Variants in SCHIP1 observed in about 807,000 individuals in gnomAD.
SCHIP1 encodes the protein schwannomin interacting protein 1.
A neutral mutation model predicts 29.7 loss-of-function variants in SCHIP1; 8 were observed. The observed-to-expected ratio is 0.27, with a 90% CI of 0.16 to 0.49. SCHIP1 has a LOEUF of 0.49. SCHIP1 is among the 20% of genes least tolerant of loss of function. SCHIP1 has a pLI of 0.99. For missense variants in SCHIP1, 193 were observed against 294.6 expected (o/e 0.66, Z 2.52); for synonymous variants, 76 against 94.9 (o/e 0.80, Z 1.16).
At chr3:159,535,585 T>G in the SCHIP1 span, among the ~76,000 whole-genome samples, 1 of 152,232 alleles carries the variant, frequency 6.6e-6, no homozygotes, top group South Asian at 2.1e-4. Flanking sequence ...CCAGGACTCC[T>G]CTAAGTTAGC....
At chr3:159,401,627 A>C in the SCHIP1 span, among the ~76,000 whole-genome samples, 5 of 152,204 alleles carry the variant, frequency 3.3e-5, no homozygotes, top group South Asian at 2.1e-4. Context: ...ATGTGACTCC[A>C]AGACTCATAC....
chr3:159,617,466 G>A, the SCHIP1 span, among the ~76,000 whole-genome samples: 2 of 152,060 alleles, frequency 1.3e-5, no homozygotes, highest in African/African-American at 4.8e-5. Context: ...TAAATAACCA[G>A]GAAAGATTGA....
At chr3:159,849,980 C>A (rs1466542487) in intron 1 of SCHIP1, among the ~76,000 whole-genome samples, 1 of 152,176 alleles carries the variant, frequency 6.6e-6, no homozygotes, top group Non-Finnish European at 1.5e-5. Flanking sequence ...GATGACAAAT[C>A]CCTGTCCCCT....
At chr3:159,712,232 A>C in the SCHIP1 span, among the ~76,000 whole-genome samples, 3 of 152,198 alleles carry the variant, frequency 2.0e-5, no homozygotes, top group Non-Finnish European at 2.9e-5. Context: ...CCAGCTTAGA[A>C]ATGTCCCTTT....
At chr3:159,297,073 C>T in the SCHIP1 span, among the ~76,000 whole-genome samples, 1 of 150,402 alleles carries the variant, frequency 6.6e-6, no homozygotes, top group Non-Finnish European at 1.5e-5. Context: ...CAGGTTGATC[C>T]ATTGTTGTTG....
At chr3:159,717,360 A>G in the SCHIP1 span, among the ~76,000 whole-genome samples, 4 of 152,226 alleles carry the variant, frequency 2.6e-5, no homozygotes, top group African/African-American at 9.6e-5. Context: ...AAGCTAGCAG[A>G]AGGCAAGAAA....
chr3:159,560,885 A>G, the SCHIP1 span, among the ~76,000 whole-genome samples: 1 of 152,218 alleles, frequency 6.6e-6, no homozygotes, highest in African/African-American at 2.4e-5. Flanking sequence ...CAGCTCTGCG[A>G]TGGTGTGTGA....
At chr3:159,636,371 A>G in the SCHIP1 span, among the ~76,000 whole-genome samples, 1 of 152,228 alleles carries the variant, frequency 6.6e-6, no homozygotes, top group Non-Finnish European at 1.5e-5. Context: ...TTTTACATTT[A>G]AATTAATACA....
the SCHIP1 span, among the ~76,000 whole-genome samples, chr3:159,740,777 A>AAAAG: frequency 6.7e-6 from 1 of 149,158 alleles, no homozygotes; most frequent in Non-Finnish European, 1.5e-5. Flanking sequence ...AAAAGAAAAA[A>AAAAG]AAAAAAAAAA....
At chr3:159,504,868 G>A in the SCHIP1 span, among the ~76,000 whole-genome samples, 68 of 152,180 alleles carry the variant, frequency 4.5e-4, no homozygotes, top group Admixed American at 2.7e-3. Context: ...TTTCCATACC[G>A]TGTTAGGCAG....
At chr3:159,621,642 G>GT in the SCHIP1 span, among the ~76,000 whole-genome samples, 3 of 150,936 alleles carry the variant, frequency 2.0e-5, no homozygotes, top group African/African-American at 4.9e-5. Flanking sequence ...TGTGTGTGTG[G>GT]TTTTTTTGTT....
At chr3:159,608,575 C>T in the SCHIP1 span, among the ~76,000 whole-genome samples, 1 of 152,142 alleles carries the variant, frequency 6.6e-6, no homozygotes, top group African/African-American at 2.4e-5. Context: ...TAAAATAAAT[C>T]CAACCTCAGT....
At chr3:159,736,233 T>A in the SCHIP1 span, among the ~76,000 whole-genome samples, 1 of 152,342 alleles carries the variant, frequency 6.6e-6, no homozygotes, top group African/African-American at 2.4e-5. Flanking sequence ...GAGGCAACCA[T>A]AGACCTGCTA....
At chr3:159,386,327 T>A in the SCHIP1 span, among the ~76,000 whole-genome samples, 1 of 152,114 alleles carries the variant, frequency 6.6e-6, no homozygotes, top group Non-Finnish European at 1.5e-5. Flanking sequence ...TTACAAGAGA[T>A]GTGAAGGACC....
At chr3:159,711,264 G>A in the SCHIP1 span, among the ~76,000 whole-genome samples, 1 of 80,098 alleles carries the variant, frequency 1.2e-5, no homozygotes, top group Non-Finnish European at 2.1e-5. Context: ...GGGAGGCTGA[G>A]GCAGGAGAAT....
the SCHIP1 span, among the ~76,000 whole-genome samples, chr3:159,828,385 A>ATATATGTATATATG: frequency 0.047 from 3,374 of 71,690 alleles, 399 homozygotes; most frequent in African/African-American, 0.15. Flanking sequence ...ACATATATAT[A>ATATATGTATATATG]TACATATATA....
chr3:159,432,337 TGTGAGAGAGAGA>T, the SCHIP1 span, among the ~76,000 whole-genome samples: 208 of 70,598 alleles, frequency 2.9e-3, no homozygotes, highest in Middle Eastern at 6.6e-3. Flanking sequence ...TGTGTGTGTG[TGTGAGAGAGAGA>T]GAGAGAGAGA....
At chr3:159,451,403 A>G in the SCHIP1 span, among the ~76,000 whole-genome samples, 56 of 152,202 alleles carry the variant, frequency 3.7e-4, 1 homozygote, top group African/African-American at 1.3e-3. Context: ...CCATTCATCT[A>G]TTTCTTTTTA....
chr3:159,442,602 T>A, the SCHIP1 span, among the ~76,000 whole-genome samples: 3 of 152,328 alleles, frequency 2.0e-5, no homozygotes, highest in East Asian at 5.8e-4. Context: ...GGTGGATTTT[T>A]AAAAAATTCG....
Sources: gnomAD v4.1 joint callset for allele counts (sites outside exome capture counted in the v4.1 genomes callset) on GRCh38, gnomAD v4.1.1 for gene constraint, MANE v1.5 for transcripts, NCBI Gene and HGNC (gene_info 2026-07-23, HGNC 2026-07-21) for gene names.